Variants in PHC2 observed in about 807,000 individuals in gnomAD.
The protein encoded by PHC2 is polyhomeotic homolog 2, also known as polyhomeotic-like protein 2.
A neutral mutation model predicts 87.4 loss-of-function variants in PHC2; 29 were observed. The ratio of observed to expected loss-of-function variants is 0.33; its 90% CI spans 0.25 to 0.45. The LOEUF (loss-of-function observed/expected upper bound fraction) is 0.45, where lower values mean the gene tolerates loss of function less well. Ranked by LOEUF, PHC2 falls within the 20% of genes least tolerant of loss-of-function variation. The pLI is 1.00. For synonymous variants in PHC2, 438 were observed against 461.7 expected, an observed-to-expected ratio of 0.95 and a Z score of 0.66; for missense variants, 857 against 1,136.7, an observed-to-expected ratio of 0.75 and a Z score of 3.54.
At chr1:33,327,943 G>C (rs1003082376) in intron 14 of PHC2, among the ~76,000 whole-genome samples, 2 of 152,228 alleles carry the variant, frequency 1.3e-5, no homozygotes, top group South Asian at 4.1e-4. Flanking sequence ...CACAGCAACT[G>C]TGTAATAAAA....
chr1:33,345,920 C>T (rs1646836213), intron 9 of PHC2: 1 of 984,866 alleles, frequency 1.0e-6, no homozygotes, highest in Admixed American at 6.2e-5. Context: ...CAAGTGAAGC[C>T]TACCTCTGTT....
chr1:33,356,210 T>G (rs1260111661), intron 7 of PHC2, among the ~76,000 whole-genome samples: 2 of 146,804 alleles, frequency 1.4e-5, no homozygotes, highest in Non-Finnish European at 3.0e-5. Flanking sequence ...CTTTTCTCTC[T>G]TCTATTTTAA....
chr1:33,423,244 CA>C (rs1389005311), intron 1 of PHC2, among the ~76,000 whole-genome samples: 4 of 152,096 alleles, frequency 2.6e-5, no homozygotes, highest in African/African-American at 9.7e-5. Flanking sequence ...TATACTTTTT[CA>C]AACAAATGCA....
intron 13 of PHC2, among the ~76,000 whole-genome samples, 181 bp downstream of exon 13, chr1:33,329,890 T>C (rs1216559379): frequency 6.6e-6 from 1 of 152,140 alleles, no homozygotes; most frequent in Non-Finnish European, 1.5e-5. Flanking sequence ...TAAGCACCCA[T>C]GGGTCTAAAT....
intron 7 of PHC2, among the ~76,000 whole-genome samples, chr1:33,356,881 C>T (rs1016853955): frequency 2.0e-5 from 3 of 151,876 alleles, no homozygotes; most frequent in Non-Finnish European, 2.9e-5. Flanking sequence ...GCAGAGGCGC[C>T]CCCCCACCTC....
intron 14 of PHC2, 142 bp downstream of exon 14, chr1:33,328,728 A>G (rs773618506): frequency 4.4e-6 from 3 of 678,170 alleles, no homozygotes. Context: ...ATAGGCAGGG[A>G]GCTCATCTCA....
intron 7 of PHC2, among the ~76,000 whole-genome samples, chr1:33,360,478 TTAGA>T (rs138027485): frequency 0.097 from 14,792 of 152,284 alleles, 1,015 homozygotes; most frequent in East Asian, 0.27. Context: ...CTGTGCAATC[TTAGA>T]TAAATTGCTC....
intron 9 of PHC2, among the ~76,000 whole-genome samples, chr1:33,340,177 A>C (rs1325095416): frequency 6.6e-6 from 1 of 152,244 alleles, no homozygotes; most frequent in African/African-American, 2.4e-5. Context: ...TGGTTGCAGT[A>C]GGAGTATGAC....
chr1:33,350,059 G>A (rs1466368956), intron 9 of PHC2, among the ~76,000 whole-genome samples: 5 of 151,690 alleles, frequency 3.3e-5, no homozygotes, highest in African/African-American at 9.7e-5. Flanking sequence ...GCGGGTTAGG[G>A]ACGCCCGGGG....
In PHC2 at chr1:33,366,143, A is replaced by G. The variant is rs528085007; in HGVS notation, c.976+973T>C. ...GATATATTCTTGATGTATTTTCTCA[A>G]GAAAAAACCCCACAGATTAGATTGG... On this transcript the variant is annotated intron_variant, in intron 7 of 14. Transcript: ENST00000683057. 1.1e-4 allele frequency among the ~76,000 whole-genome samples: 16 copies of G among 152,378 alleles called. No individual in the cohort carries two copies. In the East Asian group the frequency reaches 3.1e-3, roughly 29 times the overall value.
intron 1 of PHC2, chr1:33,392,589 G>A (rs1649115335): frequency 1.3e-5 from 2 of 152,040 alleles, no homozygotes; most frequent in African/African-American, 2.4e-5. Flanking sequence ...CTGTCTGCAG[G>A]GCCCTCCTAG....
chr1:33,352,159 G>A (rs2148274196), intron 9 of PHC2, among the ~76,000 whole-genome samples: 1 of 152,234 alleles, frequency 6.6e-6, no homozygotes, highest in South Asian at 2.1e-4. Context: ...GTTCATTTAG[G>A]GGTTTCTGGA....
intron 1 of PHC2, among the ~76,000 whole-genome samples, chr1:33,410,943 T>C (rs985307134): frequency 5.5e-4 from 83 of 152,192 alleles, no homozygotes; most frequent in African/African-American, 1.9e-3. Context: ...ATCAAGGCAC[T>C]AACTATGGGG....
chr1:33,344,655 G>C (rs1646812336), intron 9 of PHC2, among the ~76,000 whole-genome samples: 1 of 152,162 alleles, frequency 6.6e-6, no homozygotes, highest in African/African-American at 2.4e-5. Context: ...CCAGGCTGGA[G>C]TGCAGTGGCA....
Position 33,369,202 on chromosome 1 carries a change from C to T in PHC2, c.577-580G>A, listed in dbSNP as rs775119270. Among the ~76,000 whole-genome samples the T allele has an allele frequency of 9.9e-5, 15 of 152,228 alleles. No individual in the cohort carries two copies. Among genetic ancestry groups the T allele is most frequent in the Non-Finnish European group, 1.5e-4 (10 of 68,034 alleles). On this transcript the variant is annotated intron_variant, in intron 5 of 14. Transcript: ENST00000683057. This position sits in a 1 kb window ranked among gnomAD's most constrained non-coding sequence, Gnocchi z 4.7. The stretch of plus-strand genomic sequence containing the variant: ...GAAGCGGACCGCCTGGAGCCGTCCT[C>T]ATGTCTGAATCCCATCCTGCAGGGT...
chr1:33,370,271 C>T (rs1647739443), intron 5 of PHC2, 150 bp downstream of exon 5: 2 of 692,164 alleles, frequency 2.9e-6, no homozygotes, highest in Non-Finnish European at 4.7e-6. Context: ...TCCCACTCAG[C>T]CTTCCAGGCC....
chr1:33,425,486 G>C (rs1650631298), intron 1 of PHC2, among the ~76,000 whole-genome samples: 1 of 152,284 alleles, frequency 6.6e-6, no homozygotes. Context: ...GAAGTTAAGG[G>C]TATGAAAAAG....
chr1:33,414,187 A>ACACC (rs1434558589), intron 1 of PHC2, among the ~76,000 whole-genome samples: 2 of 150,908 alleles, frequency 1.3e-5, no homozygotes, highest in African/African-American at 4.9e-5. Flanking sequence ...TCACACACAC[A>ACACC]CACACACACA....
chr1:33,403,405 G>A (rs546662696), intron 1 of PHC2, among the ~76,000 whole-genome samples: 134 of 152,222 alleles, frequency 8.8e-4, no homozygotes, highest in South Asian at 1.9e-3. Context: ...GATTACAGGC[G>A]TGAGCCACTG....
Sources: gnomAD v4.1 joint callset for allele counts (sites outside exome capture counted in the v4.1 genomes callset) on GRCh38, gnomAD v4.1.1 for gene constraint, Gnocchi (gnomAD v3.1) non-coding constraint, MANE v1.5 for transcripts, NCBI Gene and HGNC (gene_info 2026-07-23, HGNC 2026-07-21) for gene names.